Variants in PARP11 observed in about 807,000 individuals in gnomAD.
The protein encoded by PARP11 is poly(ADP-ribose) polymerase family member 11.
A neutral mutation model predicts 42.9 loss-of-function variants in PARP11; 31 were observed. That is an observed-to-expected ratio of 0.72 (90% CI 0.54 to 0.98). The LOEUF is 0.98. PARP11 is among the 50% of genes least tolerant of loss of function. The pLI, the probability that PARP11 is intolerant of heterozygous loss-of-function variation, is 0.00. For synonymous variants in PARP11, 137 were observed against 127.3 expected (o/e 1.08, Z -0.51); for missense variants, 365 against 413.1 (o/e 0.88, Z 1.01).
intron 1 of PARP11, among the ~76,000 whole-genome samples, chr12:3,846,452 A>G (rs187125194): frequency 3.3e-5 from 5 of 152,308 alleles, no homozygotes; most frequent in Admixed American, 6.5e-5. Flanking sequence ...CTATGATTAA[A>G]TCATAAAGAA....
At chr12:3,813,892 C>G (rs942288596) in intron 7 of PARP11, 145 bp downstream of exon 7, 100 of 536,540 alleles carry the variant, frequency 1.9e-4, no homozygotes, top group Non-Finnish European at 5.5e-5. Context: ...AGTATCTATT[C>G]TCGTACACAA....
chr12:3,845,940 T>C (rs1330034607), intron 1 of PARP11, among the ~76,000 whole-genome samples: 1 of 152,230 alleles, frequency 6.6e-6, no homozygotes, highest in African/African-American at 2.4e-5. Context: ...AATTGCATTG[T>C]GTTACAGAGC....
intron 1 of PARP11, chr12:3,842,358 C>T (rs3816504): frequency 2.9e-5 from 47 of 1,611,304 alleles, no homozygotes; most frequent in African/African-American, 2.5e-4. Context: ...CTGGTAGGGG[C>T]GGATATCAAC....
chr12:3,846,823 G>A (rs1379492890), intron 1 of PARP11, among the ~76,000 whole-genome samples: 1 of 151,632 alleles, frequency 6.6e-6, no homozygotes, highest in Non-Finnish European at 1.5e-5. Context: ...AGTGGCTCAT[G>A]CCTATAATCC....
At chr12:3,842,409 A>C in intron 1 of PARP11, 1 of 1,610,646 alleles carries the variant, frequency 6.2e-7, no homozygotes, top group Non-Finnish European at 8.5e-7. Context: ...AGCCAAGCAG[A>C]AGTCGGGATG....
rs1377885267 is a variant in PARP11 at position 3,809,334 on chromosome 12, T to C, written c.*2789A>G. 2 of 150,528 alleles carry C rather than the reference T, an allele frequency of 1.3e-5. No homozygotes were observed. Among genetic ancestry groups the C allele is most frequent in the Admixed American group, 6.8e-5 (1 of 14,654 alleles). The allele number at this position is 150,528 out of a possible 1,614,324, so 9.3% of individuals were successfully genotyped here. ...GTACTATCATATTTTAAAATATGTA[T>C]CAAAATCAGTTCTCTCTTATAAAAG... On this transcript the variant is annotated 3_prime_UTR_variant, in exon 8 of 8. Coordinates refer to ENST00000228820, the MANE Select transcript of PARP11 (RefSeq NM_020367.6).
chr12:3,823,476 T>G (rs1267437012), intron 4 of PARP11, among the ~76,000 whole-genome samples: 1 of 152,142 alleles, frequency 6.6e-6, no homozygotes, highest in Non-Finnish European at 1.5e-5. Flanking sequence ...TTATTCCTAG[T>G]GCTTACGACA....
At chr12:3,832,429 A>G (rs1038099061) in intron 1 of PARP11, among the ~76,000 whole-genome samples, 3 of 152,216 alleles carry the variant, frequency 2.0e-5, no homozygotes, top group Non-Finnish European at 4.4e-5. Context: ...CCTCCTGAAC[A>G]TCACTTCTTC....
Position 3,848,539 on chromosome 12 carries a change from G to T in PARP11, c.19-18521C>A, listed in dbSNP as rs552371791. Reference sequence around the variant, plus strand: ...TAACTCATTTCAACAAAGTCACCACGAACATAGAATGGGAACAGTCTCTTC... The same window carrying T: ...TAACTCATTTCAACAAAGTCACCACTAACATAGAATGGGAACAGTCTCTTC... On this transcript the variant is annotated intron_variant, in intron 1 of 7. Coordinates refer to ENST00000228820, the MANE Select transcript of PARP11 (RefSeq NM_020367.6). Among the ~76,000 whole-genome samples, 6 of 152,170 alleles carry T rather than the reference G, an allele frequency of 3.9e-5. No individual in the cohort carries two copies. In the East Asian group the frequency reaches 9.6e-4, roughly 24 times the overall value.
intron 1 of PARP11, among the ~76,000 whole-genome samples, chr12:3,836,550 G>A (rs1270480592): frequency 1.3e-5 from 2 of 152,130 alleles, no homozygotes; most frequent in Non-Finnish European, 2.9e-5. Flanking sequence ...AAAGAGCGCT[G>A]GTAAAAGGTA....
chr12:3,841,171 C>T, intron 1 of PARP11: 1 of 1,581,544 alleles, frequency 6.3e-7, no homozygotes, highest in East Asian at 2.2e-5. Flanking sequence ...CCCACTCTAT[C>T]CTGGGTTTCC....
intron 1 of PARP11, among the ~76,000 whole-genome samples, chr12:3,831,830 A>G (rs1244493949): frequency 1.3e-5 from 2 of 152,210 alleles, no homozygotes; most frequent in African/African-American, 2.4e-5. Context: ...CAAACTGTCC[A>G]GTAAACTATT....
intron 3 of PARP11, among the ~76,000 whole-genome samples, chr12:3,826,666 T>C (rs1054978482): frequency 6.6e-6 from 1 of 152,230 alleles, no homozygotes; most frequent in African/African-American, 2.4e-5. Flanking sequence ...TTGGAAATGA[T>C]TATAAAACTT....
chr12:3,864,891 T>G (rs569329810), intron 1 of PARP11, among the ~76,000 whole-genome samples: 1 of 152,334 alleles, frequency 6.6e-6, no homozygotes, highest in East Asian at 1.9e-4. Flanking sequence ...TTTTCTGTTG[T>G]AGTGATTTCC....
At chr12:3,834,869 G>A (rs1267969558) in intron 1 of PARP11, among the ~76,000 whole-genome samples, 1 of 151,980 alleles carries the variant, frequency 6.6e-6, no homozygotes, top group Non-Finnish European at 1.5e-5. Flanking sequence ...GGGCAGTCTT[G>A]AAAACGTTCT....
At chr12:3,834,336 T>C (rs922952274) in intron 1 of PARP11, among the ~76,000 whole-genome samples, 1 of 152,086 alleles carries the variant, frequency 6.6e-6, no homozygotes, top group African/African-American at 2.4e-5. Flanking sequence ...CCTAAGGGCA[T>C]TATCAAAAAC....
chr12:3,821,159 T>C (rs1026549980), intron 6 of PARP11, among the ~76,000 whole-genome samples: 1 of 152,208 alleles, frequency 6.6e-6, no homozygotes, highest in African/African-American at 2.4e-5. Flanking sequence ...ATTTGCAATT[T>C]CTCTGAATAA....
chr12:3,822,734 T>TC (rs1947426759), intron 4 of PARP11, among the ~76,000 whole-genome samples: 1 of 152,136 alleles, frequency 6.6e-6, no homozygotes, highest in African/African-American at 2.4e-5. Context: ...TCTGTCTTGT[T>TC]TTTTTTGAAA....
chr12:3,832,249 C>A (rs3825374), intron 1 of PARP11: 36,114 of 221,364 alleles, frequency 0.16, 4,131 homozygotes, highest in East Asian at 0.36. Context: ...AAATCTTATA[C>A]AATTCCTTAT....
Sources: gnomAD v4.1 joint callset for allele counts (sites outside exome capture counted in the v4.1 genomes callset) on GRCh38, gnomAD v4.1.1 for gene constraint, MANE v1.5 for transcripts, NCBI Gene and HGNC (gene_info 2026-07-23, HGNC 2026-07-21) for gene names.